ST18: variants seen among roughly 807,000 people sequenced by gnomAD.
ST18 encodes the protein suppression of tumorigenicity 18 protein.
Under a neutral mutation model 110.0 loss-of-function variants are expected in ST18, and 50 were observed. The ratio of observed to expected loss-of-function variants is 0.45; its 90% confidence interval spans 0.36 to 0.58. The LOEUF (loss-of-function observed/expected upper bound fraction) is 0.58, where lower values mean the gene tolerates loss of function less well. Among genes scored for constraint, ST18 ranks in the 20% least tolerant of loss-of-function variants. ST18 has a pLI of 0.00. For missense variants in ST18, 1,306 were observed against 1,280.1 expected (o/e 1.02, Z -0.31); for synonymous variants, 461 against 452.4 (o/e 1.02, Z -0.24).
In ST18 at chr8:52,165,115, T is replaced by C. The variant is rs368339530; in HGVS notation, c.1295+20A>G. The stretch of plus-strand genomic sequence containing the variant: ...CCACATTTTTTAAATGCAAAATGAT[T>C]ATCATCTAATGAGAATTACCTCCTG... On this transcript the variant is annotated intron_variant, in intron 12 of 25. Coordinates refer to ENST00000689386, the MANE Select transcript of ST18 (RefSeq NM_001352837.2). 260 of 1,612,324 alleles carry C rather than the reference T, an allele frequency of 1.6e-4. No individual in the cohort carries two copies. The highest frequency in any genetic ancestry group is 4.3e-4 in the Admixed American group (26 of 59,982).
At chr8:52,334,874 C>T (rs907918414) in intron 2 of ST18, among the ~76,000 whole-genome samples, 5 of 152,144 alleles carry the variant, frequency 3.3e-5, no homozygotes, top group Admixed American at 3.3e-4. Context: ...TCCCGCATGC[C>T]GACCTGCAGA....
At chr8:52,380,017 G>T (rs1382933635) in intron 2 of ST18, among the ~76,000 whole-genome samples, 2 of 152,112 alleles carry the variant, frequency 1.3e-5, no homozygotes, top group African/African-American at 4.8e-5. Flanking sequence ...CATAGTTTTT[G>T]AATGTTTTTC....
At chr8:52,165,457 T>G (rs2062662826) in intron 11 of ST18, among the ~76,000 whole-genome samples, 1 of 152,364 alleles carries the variant, frequency 6.6e-6, no homozygotes, top group South Asian at 2.1e-4. Flanking sequence ...TACACTAGAC[T>G]TCAGTGAGAT....
intron 2 of ST18, among the ~76,000 whole-genome samples, chr8:52,372,251 GA>G (rs1177887953): frequency 6.6e-6 from 1 of 151,972 alleles, no homozygotes; most frequent in Non-Finnish European, 1.5e-5. Flanking sequence ...TTTAAAAATA[GA>G]AAAAAGCTTG....
At chr8:52,270,867 G>T (rs977358983) in intron 2 of ST18, among the ~76,000 whole-genome samples, 6 of 151,776 alleles carry the variant, frequency 4.0e-5, no homozygotes, top group Non-Finnish European at 7.4e-5. Context: ...TGGGTGAAGT[G>T]TGTATTATGT....
In ST18 at chr8:52,171,915, G is replaced by T. The variant is rs777001743; in HGVS notation, c.946C>A (p.Arg316=). The change falls in exon 10 of 26, where the codon CGA becomes AGA. Residue 316 remains arginine (R), a synonymous_variant. Coordinates refer to ENST00000689386, the MANE Select transcript of ST18 (RefSeq NM_001352837.2). Reference sequence around the variant, plus strand: ...TAGGTGTTATGGAAAACACAACCTCGCTCAGCCTGCAGAGCAATTGCCTGC... The same window carrying T: ...TAGGTGTTATGGAAAACACAACCTCTCTCAGCCTGCAGAGCAATTGCCTGC... ...LEQAIALQAE[R]GCVFHNTYKE... is the part of the protein sequence containing the mutation. 5 of 1,614,018 alleles carry T rather than the reference G, an allele frequency of 3.1e-6. No homozygotes were observed. In the African/African-American group the frequency reaches 5.3e-5, roughly 17 times the overall value.
intron 8 of ST18, among the ~76,000 whole-genome samples, chr8:52,211,260 GA>G (rs1380960089): frequency 6.6e-6 from 1 of 152,008 alleles, no homozygotes; most frequent in Admixed American, 6.6e-5. Context: ...AATATTGCCT[GA>G]GGTGTAGTAG....
intron 2 of ST18, among the ~76,000 whole-genome samples, chr8:52,327,532 G>C (rs1807054105): frequency 6.6e-6 from 1 of 152,176 alleles, no homozygotes; most frequent in Non-Finnish European, 1.5e-5. Context: ...AACATCTCTG[G>C]TTACTCTGAT....
chr8:52,245,315 TAAA>T (rs2093755671), intron 2 of ST18, among the ~76,000 whole-genome samples: 1 of 152,170 alleles, frequency 6.6e-6, no homozygotes, highest in African/African-American at 2.4e-5. Flanking sequence ...TTATTCTATT[TAAA>T]AAATTAACCA....
chr8:52,384,932 T>A (rs963626112), intron 2 of ST18, among the ~76,000 whole-genome samples: 37 of 152,136 alleles, frequency 2.4e-4, no homozygotes, highest in African/African-American at 8.9e-4. Flanking sequence ...TGTTGGAGGA[T>A]ATGAAAGAAA....
At chr8:52,161,815 T>C (rs758400096) in intron 13 of ST18, among the ~76,000 whole-genome samples, 3 of 152,226 alleles carry the variant, frequency 2.0e-5, no homozygotes, top group Non-Finnish European at 4.4e-5. Context: ...AGTCCTCCCA[T>C]CAGCAAATTA....
Position 52,158,938 on chromosome 8 carries a change from G to C in ST18, c.1766C>G (p.Thr589Arg). The C allele has an allele frequency of 1.2e-6, 2 of 1,614,046 alleles. No individual in the cohort carries two copies. The highest frequency in any genetic ancestry group is 8.5e-7 in the Non-Finnish European group (1 of 1,179,902). ...CTGTGGCTTGTTGGAGAGGATGTCT[G>C]TGGCTTCCCTGCAGCGGGTGGAAAG... Reference protein sequence around the residue: ...LNLSTRCREATDILSNKPQSL... With the variant: ...LNLSTRCREARDILSNKPQSL... The change falls in exon 15 of 26, where the codon ACA (threonine) becomes AGA (arginine). Residue 589 changes from threonine (T) to arginine (R), a missense_variant. Coordinates refer to ENST00000689386, the MANE Select transcript of ST18 (RefSeq NM_001352837.2).
At chr8:52,260,933 T>A (rs777077795) in intron 2 of ST18, among the ~76,000 whole-genome samples, 2 of 152,226 alleles carry the variant, frequency 1.3e-5, no homozygotes, top group Non-Finnish European at 2.9e-5. Context: ...ACAATTAGTT[T>A]TGTAAATGTG....
intron 2 of ST18, among the ~76,000 whole-genome samples, chr8:52,373,002 C>T (rs1318489567): frequency 6.6e-6 from 1 of 152,184 alleles, no homozygotes; most frequent in Non-Finnish European, 1.5e-5. Flanking sequence ...TTAAAACTCC[C>T]TTCAGCAGAA....
chr8:52,165,591 A>C (rs776269610), intron 11 of ST18, among the ~76,000 whole-genome samples: 8 of 152,160 alleles, frequency 5.3e-5, no homozygotes, highest in Non-Finnish European at 1.0e-4. Context: ...TTTTCCCTGC[A>C]GTTTGAAGTT....
rs566686282 is a variant in ST18 at position 52,204,480 on chromosome 8, G to A, written c.86+7599C>T. ...CCAGGGGATGCCGTGGTTCTGAGCCGGCAGGCTCCAGGGGCACCTCTGAGT... is the reference window on the plus strand; with the variant it reads ...CCAGGGGATGCCGTGGTTCTGAGCCAGCAGGCTCCAGGGGCACCTCTGAGT... On this transcript the variant is annotated intron_variant, in intron 8 of 25. Transcript: ENST00000689386. 2.0e-5 allele frequency among the ~76,000 whole-genome samples: 3 copies of A among 152,272 alleles called. No individual in the cohort carries two copies. The East Asian group carries it at 5.8e-4, about 29-fold the overall frequency.
chr8:52,226,782 G>T lies in ST18; in HGVS notation c.-419+3250C>A, dbSNP rs1588892453. ...TTTTAATAAAGTTCAAAGAGCACTTGTTGATTCACAAATAAAGCTTTTTAT... is the reference window on the plus strand; with the variant it reads ...TTTTAATAAAGTTCAAAGAGCACTTTTTGATTCACAAATAAAGCTTTTTAT... On this transcript the variant is annotated intron_variant, in intron 3 of 25. Transcript: ENST00000689386. Among the ~76,000 whole-genome samples, 3 of 152,228 alleles carry T rather than the reference G, an allele frequency of 2.0e-5. No individual in the cohort carries two copies. In the East Asian group the frequency reaches 5.8e-4, roughly 29 times the overall value.
intron 2 of ST18, among the ~76,000 whole-genome samples, chr8:52,390,996 C>G (rs1839139431): frequency 1.3e-5 from 2 of 152,194 alleles, no homozygotes. Flanking sequence ...GTTTCTTCCT[C>G]TCTCTGGTTT....
chr8:52,367,233 G>GCCACACACACACACACACAC (rs1564591511), intron 2 of ST18, among the ~76,000 whole-genome samples: 19 of 131,276 alleles, frequency 1.4e-4, no homozygotes, highest in South Asian at 4.9e-4. Context: ...GCGGGACCCT[G>GCCACACACACACACACACAC]TCTCACACAC....
Sources: allele counts gnomAD v4.1 joint callset (sites outside exome capture counted in the v4.1 genomes callset), GRCh38; gene constraint gnomAD v4.1.1; transcripts MANE v1.5; gene names NCBI Gene and HGNC (gene_info 2026-07-23, HGNC 2026-07-21).